Variants in EHHADH observed in about 807,000 individuals in gnomAD.
EHHADH encodes peroxisomal bifunctional enzyme.
Under a neutral mutation model 64.4 loss-of-function variants are expected in EHHADH, and 48 were observed. The observed-to-expected ratio is 0.75, with a 90% CI of 0.59 to 0.95. The LOEUF (loss-of-function observed/expected upper bound fraction) is 0.95. Ranked by LOEUF, EHHADH falls within the 40% of genes least tolerant of loss-of-function variation. The pLI is 0.00. For synonymous variants in EHHADH, 308 were observed against 326.7 expected, an observed-to-expected ratio of 0.94 and a Z score of 0.62; for missense variants, 854 against 876.6, an observed-to-expected ratio of 0.97 and a Z score of 0.33.
intron 4 of EHHADH, among the ~76,000 whole-genome samples, chr3:185,219,314 A>T (rs1577364302): frequency 6.6e-6 from 1 of 152,132 alleles, no homozygotes; most frequent in Non-Finnish European, 1.5e-5. Flanking sequence ...TGGCAGCTGG[A>T]GTGTGGCCCA....
chr3:185,233,205 T>A (rs1719184583), intron 3 of EHHADH, among the ~76,000 whole-genome samples: 1 of 152,194 alleles, frequency 6.6e-6, no homozygotes. Flanking sequence ...GTGACAATAA[T>A]AGCATAAAGG....
chr3:185,254,041 G>T lies in EHHADH; in HGVS notation c.-19C>A, dbSNP rs767442296. On this transcript the variant is annotated 5_prime_UTR_variant, in exon 1 of 7. Coordinates refer to ENST00000231887, the MANE Select transcript of EHHADH (RefSeq NM_001966.4). ...CGGCCATGTTTCCTCTATCACCGAG[G>T]GCACCTCTGCCTCTCGCCGTCAGGC... 4 of 1,612,004 alleles carry T rather than the reference G, an allele frequency of 2.5e-6. No homozygotes were observed. The highest frequency in any genetic ancestry group is 2.5e-6 in the Non-Finnish European group (3 of 1,178,514).
At chr3:185,234,744 A>G (rs1719241496) in intron 3 of EHHADH, among the ~76,000 whole-genome samples, 1 of 152,226 alleles carries the variant, frequency 6.6e-6, no homozygotes, top group Non-Finnish European at 1.5e-5. Context: ...GCTAAGGTTA[A>G]GGGAAACAAG....
At chr3:185,247,542 T>G (rs1294544226) in intron 2 of EHHADH, among the ~76,000 whole-genome samples, 1 of 151,924 alleles carries the variant, frequency 6.6e-6, no homozygotes, top group African/African-American at 2.4e-5. Context: ...AAAATACTAT[T>G]ATTTTTATTA....
chr3:185,199,082 T>C (rs937072314), intron 6 of EHHADH, among the ~76,000 whole-genome samples: 2 of 152,170 alleles, frequency 1.3e-5, no homozygotes, highest in East Asian at 1.9e-4. Flanking sequence ...TTACATTCAG[T>C]TGGATGAATC....
rs143620920 is a variant in EHHADH, at chr3:185,200,630, A to G, written c.910+3786T>C. 4.9e-3 allele frequency among the ~76,000 whole-genome samples: 746 copies of G among 152,322 alleles called. 3 individuals carry two copies. Among genetic ancestry groups the G allele is most frequent in the African/African-American group, 0.017 (722 of 41,548 alleles). On this transcript the variant is annotated intron_variant, in intron 6 of 6. Transcript: ENST00000231887. The stretch of plus-strand genomic sequence containing the variant: ...GGCAAGGAGTCCTGCTCCCCTGCCA[A>G]ATTACTGCTTTTGACTGCCATGGAA...
At chr3:185,241,026 T>A (rs1394570145) in intron 2 of EHHADH, among the ~76,000 whole-genome samples, 1 of 151,886 alleles carries the variant, frequency 6.6e-6, no homozygotes, top group Non-Finnish European at 1.5e-5. Context: ...CCTCATAGCT[T>A]AGCTCCCACA....
chr3:185,249,278 G>A (rs557897342), intron 1 of EHHADH, among the ~76,000 whole-genome samples: 78 of 152,188 alleles, frequency 5.1e-4, no homozygotes, highest in African/African-American at 1.7e-3. Flanking sequence ...ACAGGCGCCC[G>A]CCACCACGTC....
At chr3:185,200,475 A>G (rs185814516) in intron 6 of EHHADH, among the ~76,000 whole-genome samples, 343 of 152,284 alleles carry the variant, frequency 2.3e-3, no homozygotes, top group Middle Eastern at 6.8e-3. Flanking sequence ...TTGTATCCTA[A>G]ACTTTAGCTT....
intron 1 of EHHADH, among the ~76,000 whole-genome samples, chr3:185,251,734 A>C (rs1004077696): frequency 6.6e-6 from 1 of 152,048 alleles, no homozygotes; most frequent in Non-Finnish European, 1.5e-5. Context: ...AAAGGGAGGA[A>C]AGAAAAAGTG....
chr3:185,215,830 C>A (rs891331923), intron 5 of EHHADH, among the ~76,000 whole-genome samples: 2 of 152,092 alleles, frequency 1.3e-5, no homozygotes, highest in Non-Finnish European at 2.9e-5. Context: ...CCATTTGTAT[C>A]TGTATTCATA....
In EHHADH at chr3:185,245,293, C is replaced by G. The variant is rs114078568; in HGVS notation, c.178+3121G>C. 8.1e-3 allele frequency among the ~76,000 whole-genome samples: 1,237 copies of G among 152,326 alleles called. 14 individuals are homozygous for G. Among genetic ancestry groups the G allele is most frequent in the Middle Eastern group, 0.017 (5 of 294 alleles). On this transcript the variant is annotated intron_variant, in intron 2 of 6. Coordinates refer to ENST00000231887, the MANE Select transcript of EHHADH (RefSeq NM_001966.4). ...TTAAAGTAGTCTATACATATGTCAA[C>G]AGCTTGAGCATCAGCATCTTGCAAG... is the stretch of plus-strand genomic sequence containing the variant.
intron 4 of EHHADH, among the ~76,000 whole-genome samples, chr3:185,228,807 T>C (rs752454777): frequency 5.3e-5 from 8 of 152,208 alleles, no homozygotes; most frequent in Non-Finnish European, 7.3e-5. Flanking sequence ...TTCTCATTTA[T>C]ATTACAATTT....
At chr3:185,196,565 G>C (rs561185181) in intron 6 of EHHADH, among the ~76,000 whole-genome samples, 1 of 152,168 alleles carries the variant, frequency 6.6e-6, no homozygotes, top group African/African-American at 2.4e-5. Flanking sequence ...GTTTGAACCT[G>C]GGAGATGGAG....
At chr3:185,215,251 A>C (rs1718651007) in intron 5 of EHHADH, among the ~76,000 whole-genome samples, 1 of 152,208 alleles carries the variant, frequency 6.6e-6, no homozygotes, top group South Asian at 2.1e-4. Flanking sequence ...CCAAAGTGGA[A>C]ACAAACTAAA....
intron 5 of EHHADH, among the ~76,000 whole-genome samples, chr3:185,206,294 A>C (rs887855383): frequency 6.6e-6 from 1 of 152,140 alleles, no homozygotes; most frequent in African/African-American, 2.4e-5. Context: ...AAAAAAAAAA[A>C]AAAATTTAGG....
At chr3:185,200,837 G>T (rs1718202705) in intron 6 of EHHADH, among the ~76,000 whole-genome samples, 1 of 152,174 alleles carries the variant, frequency 6.6e-6, no homozygotes, top group African/African-American at 2.4e-5. Flanking sequence ...CTCCTGCGGG[G>T]CTGAGAAGCC....
intron 2 of EHHADH, chr3:185,246,121 T>G: frequency 8.2e-7 from 1 of 1,225,036 alleles, no homozygotes; most frequent in Non-Finnish European, 1.2e-6. Context: ...TTCAGCTGGT[T>G]CTTGAACATC....
intron 6 of EHHADH, among the ~76,000 whole-genome samples, chr3:185,196,000 C>T (rs560346524): frequency 6.6e-6 from 1 of 152,312 alleles, no homozygotes; most frequent in East Asian, 1.9e-4. Context: ...TACCTGTACA[C>T]AGAATGTATA....
Sources: allele counts gnomAD v4.1 joint callset (sites outside exome capture counted in the v4.1 genomes callset), GRCh38; gene constraint gnomAD v4.1.1; transcripts MANE v1.5; gene names NCBI Gene and HGNC (gene_info 2026-07-23, HGNC 2026-07-21).